Variants in CS observed in about 807,000 individuals in gnomAD.
The protein encoded by CS is citrate synthase, mitochondrial.
A neutral mutation model predicts 61.4 loss-of-function variants in CS; 13 were observed. That is an observed-to-expected ratio of 0.21 (90% CI 0.14 to 0.34). CS has a LOEUF of 0.34. Among genes scored for constraint, CS ranks in the 10% least tolerant of loss-of-function variants. The probability of loss-of-function intolerance (pLI) is 1.00; values close to 1 mark genes in which losing one functional copy is unlikely to be tolerated. For missense variants in CS, 278 were observed against 573.4 expected (o/e 0.48, Z 5.26); for synonymous variants, 159 against 215.2 (o/e 0.74, Z 2.29).
At chr12:56,295,951 CAAAAAAA>C (rs71081343) in intron 1 of CS, among the ~76,000 whole-genome samples, 95 of 40,496 alleles carry the variant, frequency 2.3e-3, no homozygotes, top group Non-Finnish European at 3.3e-3. Context: ...GAAACTGTCT[CAAAAAAA>C]AAAAAAAAAA....
intron 6 of CS, among the ~76,000 whole-genome samples, chr12:56,277,428 G>A (rs1326435623): frequency 6.6e-6 from 1 of 151,392 alleles, no homozygotes; most frequent in African/African-American, 2.4e-5. Context: ...GAATCTGGCA[G>A]GTGGAGCTTG....
chr12:56,291,240 T>C (rs1592412919), intron 1 of CS: 3 of 1,149,256 alleles, frequency 2.6e-6, no homozygotes, highest in South Asian at 3.3e-5. Context: ...CAGAACTTCC[T>C]GGGAGTTGGA....
At chr12:56,295,663 G>A (rs1873275360) in intron 1 of CS, among the ~76,000 whole-genome samples, 3 of 151,724 alleles carry the variant, frequency 2.0e-5, no homozygotes, top group Admixed American at 2.0e-4. Flanking sequence ...GAAGTTCGTA[G>A]AAGTTTTATG....
chr12:56,297,285 T>C (rs559260222), intron 1 of CS, among the ~76,000 whole-genome samples: 1 of 152,308 alleles, frequency 6.6e-6, no homozygotes, highest in African/African-American at 2.4e-5. Context: ...ACATTTTTGA[T>C]GTCACAAAAC....
chr12:56,275,273 G>T, intron 7 of CS, 142 bp from the exon 8 acceptor site: 1 of 977,196 alleles, frequency 1.0e-6, no homozygotes, highest in Non-Finnish European at 1.5e-6. Context: ...CTAAACTCTT[G>T]TAAAAGACAT....
chr12:56,286,701 A>T (rs1872949763), intron 1 of CS, 56 bp from the exon 2 acceptor site: 1 of 1,456,328 alleles, frequency 6.9e-7, no homozygotes. Context: ...CTTTTATATT[A>T]ACAAGAAGGA....
At chr12:56,276,508 T>C (rs1367908147) in intron 6 of CS, among the ~76,000 whole-genome samples, 2 of 152,190 alleles carry the variant, frequency 1.3e-5, no homozygotes, top group Admixed American at 1.3e-4. Flanking sequence ...CTAAGGCTCA[T>C]AGTATTAGGT....
chr12:56,283,585 A>T (rs930444834), intron 4 of CS, among the ~76,000 whole-genome samples: 5 of 152,068 alleles, frequency 3.3e-5, no homozygotes, highest in Admixed American at 3.3e-4. Flanking sequence ...CACATAACTT[A>T]CCTCTGGTTT....
chr12:56,279,833 T>C (rs1872722312), intron 6 of CS, among the ~76,000 whole-genome samples: 3 of 150,434 alleles, frequency 2.0e-5, no homozygotes, highest in Admixed American at 2.0e-4. Flanking sequence ...CCAGGCGTGG[T>C]GGTGCGCACC....
Position 56,286,577 on chromosome 12 carries a change from T to G in CS, c.93+18A>C, listed in dbSNP as rs369210093. On this transcript the variant is annotated intron_variant, in intron 2 of 10. Transcript: ENST00000351328. Reference sequence around the variant, plus strand: ...GCCGCAATGATTCTTATTCTTAGTCTTCTTTTCCAAACCTTACCGTGGAGG... The same window carrying G: ...GCCGCAATGATTCTTATTCTTAGTCGTCTTTTCCAAACCTTACCGTGGAGG... 6.8e-6 allele frequency: 11 copies of G among 1,613,364 alleles called. No homozygotes were observed. In the African/African-American group the frequency reaches 1.5e-4, roughly 22 times the overall value.
At position 56,282,408 on chromosome 12, in the gene CS, C is replaced by G; in HGVS notation, c.588+12G>C. 1 of 1,570,838 alleles carries G rather than the reference C, an allele frequency of 6.4e-7. No homozygotes were observed. The highest frequency in any genetic ancestry group is 1.2e-5 in the South Asian group (1 of 85,256). On this transcript the variant is annotated intron_variant, in intron 6 of 10. Coordinates refer to ENST00000351328, the MANE Select transcript of CS (RefSeq NM_004077.3). ...CCCATCACACACCGATCACCCCACCCAAATTTCCTACCTCCCAGTACTTGG... is the reference window on the plus strand; with the variant it reads ...CCCATCACACACCGATCACCCCACCGAAATTTCCTACCTCCCAGTACTTGG...
rs781110318 is a variant in CS, at chr12:56,283,825, C to T, written c.234G>A (p.Leu78=). The change falls in exon 4 of 11, where the codon TTG becomes TTA. Residue 78 remains leucine (L), a synonymous_variant. Transcript: ENST00000351328. Reference sequence around the variant, plus strand: ...GATCAAGAACTGATGTTTCATAGACCAATCCCTTCATGCCTCTCATGCCAC... The same window carrying T: ...GATCAAGAACTGATGTTTCATAGACTAATCCCTTCATGCCTCTCATGCCAC... ...MYGGMRGMKG[L]VYETSVLDPD... is the part of the protein sequence containing the mutation. 2.5e-6 allele frequency: 4 copies of T among 1,612,740 alleles called. No individual in the cohort carries two copies. The highest frequency in any genetic ancestry group is 3.4e-6 in the Non-Finnish European group (4 of 1,179,176).
intron 1 of CS, among the ~76,000 whole-genome samples, chr12:56,295,555 TTA>T (rs1873271814): frequency 6.6e-6 from 1 of 151,894 alleles, no homozygotes; most frequent in South Asian, 2.1e-4. Context: ...CACCTACTTA[TTA>T]TGTGTACACT....
chr12:56,280,437 A>AAAAAAAAAAAC (rs1555162647), intron 6 of CS, among the ~76,000 whole-genome samples: 1 of 144,190 alleles, frequency 6.9e-6, no homozygotes, highest in Non-Finnish European at 1.5e-5. Flanking sequence ...AAAAAAAAAA[A>AAAAAAAAAAAC]CAAAAAAATT....
intron 1 of CS, chr12:56,298,816 G>C (rs1285697432): frequency 4.0e-6 from 1 of 253,098 alleles, no homozygotes; most frequent in Non-Finnish European, 6.2e-6. Flanking sequence ...GAGGCAGGAA[G>C]ATTACTTGAG....
intron 6 of CS, among the ~76,000 whole-genome samples, chr12:56,278,380 G>A (rs1872683412): frequency 6.6e-6 from 1 of 152,082 alleles, no homozygotes; most frequent in African/African-American, 2.4e-5. Context: ...CACCTTCCTC[G>A]GCCTCCCAAA....
chr12:56,278,372 C>T (rs537117297), intron 6 of CS, among the ~76,000 whole-genome samples: 15 of 152,150 alleles, frequency 9.9e-5, no homozygotes, highest in Non-Finnish European at 1.0e-4. Flanking sequence ...AGGTTATCCA[C>T]CTTCCTCGGC....
At chr12:56,285,836 A>G in intron 3 of CS, 80 bp downstream of exon 3, 1 of 1,141,282 alleles carries the variant, frequency 8.8e-7, no homozygotes, top group South Asian at 1.2e-5. Context: ...ATGCTTTTGA[A>G]TAGTCAGTGG....
chr12:56,299,222 TCTGTCTAAAAGGGCCAAGTTA>T (rs1400344819), intron 1 of CS, among the ~76,000 whole-genome samples: 1 of 152,136 alleles, frequency 6.6e-6, no homozygotes, highest in Non-Finnish European at 1.5e-5. Flanking sequence ...CACAGCAGTT[TCTGTCTAAAAGGGCCAAGTTA>T]CTTAGAACTA....
Sources: allele counts gnomAD v4.1 joint callset (sites outside exome capture counted in the v4.1 genomes callset), GRCh38; gene constraint gnomAD v4.1.1; transcripts MANE v1.5; gene names NCBI Gene and HGNC (gene_info 2026-07-23, HGNC 2026-07-21).